The following ZNF618 variants were observed in gnomAD, a reference collection of about 807,000 sequenced individuals.
The protein encoded by ZNF618 is neural precursor cell expressed, developmentally down-regulated 10.
Under a neutral mutation model 103.0 loss-of-function variants are expected in ZNF618, and 34 were observed. That is an observed-to-expected ratio of 0.33 (90% CI 0.25 to 0.44). The LOEUF (loss-of-function observed/expected upper bound fraction) is 0.44, where lower values mean the gene tolerates loss of function less well. ZNF618 is among the 20% of genes least tolerant of loss of function. The pLI is 1.00. For missense variants in ZNF618, 1,059 were observed against 1,295.4 expected (o/e 0.82, Z 2.80); for synonymous variants, 551 against 542.2 (o/e 1.02, Z -0.23).
Position 114,055,945 on chromosome 9 carries a change from T to C in ZNF618, c.*5778T>C, listed in dbSNP as rs1003357115. 2 of 152,232 alleles carry C rather than the reference T, an allele frequency of 1.3e-5. No individual in the cohort carries two copies. The highest frequency in any genetic ancestry group is 2.4e-5 in the African/African-American group (1 of 41,344). 9.4% of individuals were successfully genotyped at this position (152,232 alleles called of 1,614,324 possible). A position where few individuals can be genotyped will look rare whatever the true frequency, so the allele number is the denominator to read the frequency against. ...CACGAGGGGTTTAGGCAGGGCCATC[T>C]TGGGGACCCTGTGTACCATGTACTG... On this transcript the variant is annotated 3_prime_UTR_variant, in exon 15 of 15. Coordinates refer to ENST00000374126, the MANE Select transcript of ZNF618 (RefSeq NM_001318042.2).
chr9:113,911,023 G>A (rs1292149155), intron 1 of ZNF618, among the ~76,000 whole-genome samples: 2 of 151,878 alleles, frequency 1.3e-5, no homozygotes, highest in African/African-American at 4.8e-5. Flanking sequence ...TAGTAGAGAT[G>A]GAGGTTCACC....
chr9:113,956,626 G>A (rs879920971), intron 1 of ZNF618, among the ~76,000 whole-genome samples: 19 of 152,156 alleles, frequency 1.2e-4, no homozygotes, highest in Non-Finnish European at 2.4e-4. Flanking sequence ...ACAGTTTGGT[G>A]GGGAGCAAGG....
At chr9:113,909,796 T>TG (rs1249943234) in intron 1 of ZNF618, among the ~76,000 whole-genome samples, 1 of 151,854 alleles carries the variant, frequency 6.6e-6, no homozygotes, top group Non-Finnish European at 1.5e-5. Flanking sequence ...TTTGTTTTTT[T>TG]TTTTTTGAGA....
chr9:114,013,077 T>A (rs1191811638), intron 9 of ZNF618, among the ~76,000 whole-genome samples: 1 of 152,202 alleles, frequency 6.6e-6, no homozygotes, highest in Non-Finnish European at 1.5e-5. Flanking sequence ...CTCAGACTTC[T>A]CTGCAATACT....
intron 1 of ZNF618, among the ~76,000 whole-genome samples, chr9:113,965,053 C>G (rs886208317): frequency 2.0e-5 from 3 of 149,354 alleles, no homozygotes; most frequent in African/African-American, 7.4e-5. Flanking sequence ...CTCCCACTCT[C>G]TAGAATTTTT....
intron 2 of ZNF618, among the ~76,000 whole-genome samples, chr9:113,970,568 G>T (rs1837861164): frequency 6.6e-6 from 1 of 152,052 alleles, no homozygotes; most frequent in Non-Finnish European, 1.5e-5. Flanking sequence ...GCCATAGTTT[G>T]TCAACCCCTA....
chr9:114,049,445 T>G lies in ZNF618; in HGVS notation c.2143T>G (p.Tyr715Asp). Reference sequence around the variant, plus strand: ...GCGCTATGAGCAGATCTGCGAGTTCTACAGCCGGGCCAAGAAGATGAACCT... The same window carrying G: ...GCGCTATGAGCAGATCTGCGAGTTCGACAGCCGGGCCAAGAAGATGAACCT... ...HERYEQICEF[Y>D]SRAKKMNLIQ... The change falls in exon 15 of 15, where the codon TAC becomes GAC. Residue 715 changes from tyrosine to aspartate, a missense_variant. Physicochemically the swap from Tyr to Asp is radical, Grantham distance 160 (BLOSUM62 -3). Transcript: ENST00000374126. The G allele has an allele frequency of 6.2e-7, 1 of 1,607,768 alleles. No homozygotes were observed. The highest frequency in any genetic ancestry group is 8.5e-7 in the Non-Finnish European group (1 of 1,177,048).
intron 1 of ZNF618, among the ~76,000 whole-genome samples, chr9:113,931,014 T>C (rs1833533920): frequency 6.6e-6 from 1 of 152,238 alleles, no homozygotes; most frequent in Non-Finnish European, 1.5e-5. Flanking sequence ...GAAATTTACT[T>C]GGAGTTTTAC....
intron 2 of ZNF618, among the ~76,000 whole-genome samples, chr9:113,978,921 C>T (rs1266931631): frequency 6.6e-6 from 1 of 152,166 alleles, no homozygotes; most frequent in Non-Finnish European, 1.5e-5. Context: ...CCACAGCTGC[C>T]CTTGGCATCA....
intron 1 of ZNF618, among the ~76,000 whole-genome samples, chr9:113,897,393 G>C (rs1830122906): frequency 6.6e-6 from 1 of 152,262 alleles, no homozygotes; most frequent in East Asian, 1.9e-4. Context: ...GCTTAATTCT[G>C]TTCCCATCCC....
intron 12 of ZNF618, among the ~76,000 whole-genome samples, chr9:114,034,439 G>A (rs1331230496): frequency 6.6e-6 from 1 of 152,220 alleles, no homozygotes; most frequent in Non-Finnish European, 1.5e-5. Context: ...CACTGCTGCT[G>A]CTGCTGCTGC....
chr9:113,987,688 T>G (rs1402556259), intron 2 of ZNF618, among the ~76,000 whole-genome samples: 1 of 152,142 alleles, frequency 6.6e-6, no homozygotes, highest in Non-Finnish European at 1.5e-5. Context: ...CTGAGAGAGC[T>G]TGTTAGAAAT....
At chr9:113,933,724 G>T (rs1249356484) in intron 1 of ZNF618, among the ~76,000 whole-genome samples, 1 of 152,192 alleles carries the variant, frequency 6.6e-6, no homozygotes. Context: ...GGTAGGCAAG[G>T]AGTTGACTTG....
intron 11 of ZNF618, 29 bp from the exon 12 acceptor site, chr9:114,032,616 T>G: frequency 6.2e-7 from 1 of 1,610,982 alleles, no homozygotes; most frequent in Non-Finnish European, 8.5e-7. Context: ...TCACCATTGT[T>G]TTCTTTCTCT....
At chr9:113,889,342 T>TCTCTTTCTCTCCCTCC (rs983600237) in intron 1 of ZNF618, among the ~76,000 whole-genome samples, 1 of 146,006 alleles carries the variant, frequency 6.8e-6, no homozygotes, top group African/African-American at 2.4e-5. Context: ...TCTCTCTCTC[T>TCTCTTTCTCTCCCTCC]CTCTTTCTCT....
At position 113,988,576 on chromosome 9, in the gene ZNF618, C is replaced by G. The variant is rs1319572736; in HGVS notation, c.333C>G (p.Thr111=). Residue 111 remains threonine (T), a synonymous_variant, in exon 3 of 15, where the codon ACC becomes ACG. Coordinates refer to ENST00000374126, the MANE Select transcript of ZNF618 (RefSeq NM_001318042.2). ...TCGGCGGCGTCCGCAACCAGCAGAC[C>G]CTTGGTGAGTGCCCAGCGTCTGTGG... ...VVIGGVRNQQ[T]LDGKAPEGSP... The G allele has an allele frequency of 6.2e-7, 1 of 1,605,324 alleles. No homozygotes were observed. The highest frequency in any genetic ancestry group is 1.3e-5 in the African/African-American group (1 of 74,868).
At chr9:114,012,697 G>A (rs956392035) in intron 9 of ZNF618, among the ~76,000 whole-genome samples, 4 of 152,142 alleles carry the variant, frequency 2.6e-5, no homozygotes, top group Non-Finnish European at 2.9e-5. Flanking sequence ...GTAAAGAGCC[G>A]AGTTTATCTG....
intron 1 of ZNF618, among the ~76,000 whole-genome samples, chr9:113,912,250 TC>T (rs936077909): frequency 6.6e-6 from 1 of 152,164 alleles, no homozygotes; most frequent in African/African-American, 2.4e-5. Flanking sequence ...GCTGCCCCTG[TC>T]CCCTGAGAAC....
At chr9:114,041,341 C>T (rs955251512) in intron 13 of ZNF618, among the ~76,000 whole-genome samples, 1 of 152,174 alleles carries the variant, frequency 6.6e-6, no homozygotes, top group Non-Finnish European at 1.5e-5. Context: ...AATTAGATGC[C>T]ATTTGTCAAT....
Sources: allele counts gnomAD v4.1 joint callset (sites outside exome capture counted in the v4.1 genomes callset), GRCh38; gene constraint gnomAD v4.1.1; transcripts MANE v1.5; gene names NCBI Gene and HGNC (gene_info 2026-07-23, HGNC 2026-07-21).